Variants in SIAE observed in about 807,000 individuals in gnomAD.
SIAE encodes sialic acid acetylesterase, also known as sialate O-acetylesterase.
A neutral mutation model predicts 52.6 loss-of-function variants in SIAE; 39 were observed. The observed-to-expected ratio is 0.74, with a 90% CI of 0.57 to 0.97. SIAE has a LOEUF of 0.97. Among genes scored for constraint, SIAE ranks in the 50% least tolerant of loss-of-function variants. The pLI, the probability that SIAE is intolerant of heterozygous loss-of-function variation, is 0.00. For missense variants in SIAE, 592 were observed against 662.1 expected, an observed-to-expected ratio of 0.89 and a Z score of 1.16; for synonymous variants, 233 against 241.4, an observed-to-expected ratio of 0.97 and a Z score of 0.32.
Position 124,670,690 on chromosome 11 carries a change from A to T in SIAE, c.68-1169T>A, listed in dbSNP as rs950633300. Among the ~76,000 whole-genome samples the T allele has an allele frequency of 6.6e-6, 1 of 152,182 alleles. No homozygotes were observed. The highest frequency in any genetic ancestry group is 2.4e-5 in the African/African-American group (1 of 41,438). On this transcript the variant is annotated intron_variant, in intron 1 of 9. Transcript: ENST00000263593. The surrounding 1 kb of genome is among the most constrained non-coding windows in gnomAD (Gnocchi z 4.5). Reference sequence around the variant, plus strand: ...GCACAGCTAATGGAGTCGCCTACACAGCTCCGTGGCCTATTTATCCTGCTC... The same window carrying T: ...GCACAGCTAATGGAGTCGCCTACACTGCTCCGTGGCCTATTTATCCTGCTC...
chr11:124,673,839 T>G (rs552244245), upstream of SIAE: 4 of 926,618 alleles, frequency 4.3e-6, no homozygotes, highest in Non-Finnish European at 6.4e-6. Flanking sequence ...AGGACTGGGC[T>G]GTACTCGCCC....
chr11:124,669,550 G>A (rs79080743), intron 1 of SIAE, 29 bp from the exon 2 acceptor site: 64 of 1,568,318 alleles, frequency 4.1e-5, no homozygotes, highest in Non-Finnish European at 5.3e-5. Context: ...ACTGAGGGAA[G>A]CATCATCGGA....
chr11:124,648,035 A>C (rs901740130), intron 6 of SIAE, 31 bp downstream of exon 6: 2 of 1,525,626 alleles, frequency 1.3e-6, no homozygotes, highest in Non-Finnish European at 9.1e-7. Context: ...GCTATCTGAT[A>C]CAATGGAGAA....
chr11:124,652,629 G>A (rs1010892977), intron 4 of SIAE, among the ~76,000 whole-genome samples: 1 of 151,416 alleles, frequency 6.6e-6, no homozygotes, highest in Non-Finnish European at 1.5e-5. Context: ...GGGAGGTGGA[G>A]GTTGCAGTGA....
intron 1 of SIAE, 120 bp downstream of exon 1, chr11:124,673,522 A>G: frequency 8.4e-7 from 1 of 1,195,470 alleles, no homozygotes; most frequent in Non-Finnish European, 1.2e-6. Flanking sequence ...CCCCTAGCCT[A>G]GCTAGGTTCC....
At chr11:124,665,804 G>A (rs1283715298) in intron 2 of SIAE, among the ~76,000 whole-genome samples, 1 of 152,004 alleles carries the variant, frequency 6.6e-6, no homozygotes, top group Non-Finnish European at 1.5e-5. Flanking sequence ...GGGTGACAGA[G>A]CAAGACTCCA....
intron 7 of SIAE, 32 bp downstream of exon 7, chr11:124,647,333 C>T: frequency 6.2e-7 from 1 of 1,614,050 alleles, no homozygotes; most frequent in Non-Finnish European, 8.5e-7. Context: ...CAGGTGTTGA[C>T]ATGAACAGAG....
At chr11:124,638,864 CAGTGGCT>C in intron 8 of SIAE, 127 bp from the exon 9 acceptor site, 4 of 751,344 alleles carry the variant, frequency 5.3e-6, no homozygotes, top group Non-Finnish European at 9.0e-6. Flanking sequence ...ACTCTGTGAT[CAGTGGCT>C]AGTCAGCTCA....
At position 124,636,657 on chromosome 11, in the gene SIAE, A is replaced by G; in HGVS notation, c.*294T>C. ...ATAAAAAGGGGCAAAAGTATTAGAC[A>G]TTTCACTCCCATTAATATGAGGGAA... is the stretch of plus-strand genomic sequence containing the variant. On this transcript the variant is annotated 3_prime_UTR_variant, in exon 10 of 10. Transcript: ENST00000263593. The G allele has an allele frequency of 2.3e-6, 1 of 431,712 alleles. No homozygotes were observed. Among genetic ancestry groups the G allele is most frequent in the South Asian group, 2.3e-5 (1 of 43,864 alleles). 26.7% of individuals were successfully genotyped at this position (431,712 alleles called of 1,614,324 possible).
chr11:124,638,553 T>C lies in SIAE; in HGVS notation c.1309A>G (p.Lys437Glu). 6.2e-7 allele frequency: 1 copy of C among 1,614,062 alleles called. No individual in the cohort carries two copies. The highest frequency in any genetic ancestry group is 8.5e-7 in the Non-Finnish European group (1 of 1,179,976). ...GCTGTTCTTCTCACCTCAAATATCT[T>C]GTTGTCCTTTTTCTGCACCTGGATT... The part of the protein sequence containing the change: ...QQIQVQKKDN[K>E]IFEISCCSDH... The change falls in exon 9 of 10, where the codon AAG (lysine) becomes GAG (glutamate). Residue 437 changes from lysine (K) to glutamate (E), a missense_variant. Coordinates refer to ENST00000263593, the MANE Select transcript of SIAE (RefSeq NM_170601.5).
intron 2 of SIAE, among the ~76,000 whole-genome samples, chr11:124,667,937 A>C (rs1943296084): frequency 1.3e-5 from 2 of 152,158 alleles, no homozygotes; most frequent in African/African-American, 4.8e-5. Flanking sequence ...TCTTGCTTGG[A>C]TATCACAGCA....
chr11:124,641,289 T>C (rs1056105389), intron 7 of SIAE, among the ~76,000 whole-genome samples: 6 of 152,158 alleles, frequency 3.9e-5, no homozygotes, highest in Non-Finnish European at 8.8e-5. Flanking sequence ...ATCAAAAATA[T>C]GAGAAGTCAC....
intron 4 of SIAE, chr11:124,654,060 C>T (rs1408108666): frequency 4.9e-6 from 1 of 205,516 alleles, no homozygotes; most frequent in Non-Finnish European, 8.5e-6. Flanking sequence ...GCCTATAGTC[C>T]CAGCTACTCG....
At position 124,645,320 on chromosome 11, in the gene SIAE, T is replaced by C. The variant is rs1182956848; in HGVS notation, c.966+2045A>G. Among the ~76,000 whole-genome samples, 1 of 144,960 alleles carries C rather than the reference T, an allele frequency of 6.9e-6. No individual in the cohort carries two copies. Among genetic ancestry groups the C allele is most frequent in the Non-Finnish European group, 1.5e-5 (1 of 65,422 alleles). On this transcript the variant is annotated intron_variant, in intron 7 of 9. Coordinates refer to ENST00000263593, the MANE Select transcript of SIAE (RefSeq NM_170601.5). This position sits in a 1 kb window ranked among gnomAD's most constrained non-coding sequence, Gnocchi z 4.7. Reference sequence around the variant, plus strand: ...CAGGTCTTTCTGATTGCTATATTTCTTTTTTTTTTTTGAGACGGAGTTTCG... The same window carrying C: ...CAGGTCTTTCTGATTGCTATATTTCCTTTTTTTTTTTGAGACGGAGTTTCG...
chr11:124,657,314 A>G (rs1327629721), intron 3 of SIAE, among the ~76,000 whole-genome samples: 1 of 152,182 alleles, frequency 6.6e-6, no homozygotes, highest in Admixed American at 6.5e-5. Context: ...CAGGGAAATT[A>G]TTTTTCAGCA....
intron 4 of SIAE, chr11:124,654,264 G>A (rs1007735635): frequency 1.0e-6 from 1 of 985,304 alleles, no homozygotes; most frequent in African/African-American, 1.7e-5. Flanking sequence ...GATTAAAGAA[G>A]GCTCTGGAGA....
At chr11:124,655,956 A>C (rs984140937) in intron 3 of SIAE, among the ~76,000 whole-genome samples, 1 of 152,020 alleles carries the variant, frequency 6.6e-6, no homozygotes, top group African/African-American at 2.4e-5. Context: ...CAACAAGTGG[A>C]AAATTCCACA....
intron 2 of SIAE, among the ~76,000 whole-genome samples, chr11:124,664,725 T>G (rs1943248024): frequency 6.6e-6 from 1 of 152,246 alleles, no homozygotes; most frequent in African/African-American, 2.4e-5. Flanking sequence ...CTTTCTTGTT[T>G]TTTCTTCTTG....
chr11:124,653,745 G>A (rs889654720), intron 4 of SIAE, among the ~76,000 whole-genome samples: 4 of 152,224 alleles, frequency 2.6e-5, no homozygotes, highest in African/African-American at 9.6e-5. Flanking sequence ...AAGGGTGTTT[G>A]CGATGTTTAC....
Sources: allele counts gnomAD v4.1 joint callset (sites outside exome capture counted in the v4.1 genomes callset), GRCh38; gene constraint gnomAD v4.1.1; non-coding constraint Gnocchi (gnomAD v3.1); transcripts MANE v1.5; gene names NCBI Gene and HGNC (gene_info 2026-07-23, HGNC 2026-07-21).